ZNF184: variants seen among roughly 807,000 people sequenced by gnomAD.
ZNF184 encodes zinc finger protein 184 (Kruppel-like).
ZNF184 carries 16 observed loss-of-function variants against 54.4 expected under a neutral mutation model. The observed-to-expected ratio is 0.29, with a 90% confidence interval of 0.20 to 0.45. The LOEUF is 0.45. Ranked by LOEUF, ZNF184 falls within the 20% of genes least tolerant of loss-of-function variation. The probability of loss-of-function intolerance (pLI) is 1.00; values close to 1 mark genes in which losing one functional copy is unlikely to be tolerated. For missense variants in ZNF184, 681 were observed against 888.2 expected, an observed-to-expected ratio of 0.77 and a Z score of 2.97; for synonymous variants, 254 against 295.3, an observed-to-expected ratio of 0.86 and a Z score of 1.43.
intron 5 of ZNF184, among the ~76,000 whole-genome samples, chr6:27,455,788 C>T (rs1254918346): frequency 2.6e-5 from 4 of 152,092 alleles, no homozygotes; most frequent in East Asian, 1.9e-4. Flanking sequence ...ATTTTTCCCC[C>T]GTAAAGAAGA....
rs1403806064 is a variant in ZNF184, at chr6:27,451,426, T to C, written c.2133A>G (p.Thr711=). The change falls in exon 6 of 6, where the codon ACA becomes ACG. Residue 711 remains threonine, a synonymous_variant. Coordinates refer to ENST00000683788, the MANE Select transcript of ZNF184 (RefSeq NM_001318891.2). ...NECRKTFSQS[T]YLIQHQRIHS... is the part of the protein sequence containing the mutation. ...GAATTCTCTGGTGCTGAATGAGATA[T>C]GTGCTCTGGCTAAAAGTCTTTCTGC... The C allele has an allele frequency of 6.2e-7, 1 of 1,614,174 alleles. No homozygotes were observed. Among genetic ancestry groups the C allele is most frequent in the Non-Finnish European group, 8.5e-7 (1 of 1,180,004 alleles).
the ZNF184 span, among the ~76,000 whole-genome samples, chr6:27,441,616 A>G: frequency 6.6e-6 from 1 of 152,194 alleles, no homozygotes; most frequent in Non-Finnish European, 1.5e-5. Flanking sequence ...AAGAATAGGT[A>G]TGGTGACACA....
the ZNF184 span, among the ~76,000 whole-genome samples, chr6:27,423,260 GGC>G: frequency 6.6e-6 from 1 of 152,060 alleles, no homozygotes; most frequent in Non-Finnish European, 1.5e-5. Context: ...AGAATCTAAA[GGC>G]TAGCTGGGTG....
chr6:27,469,619 C>T (rs1006022262), intron 2 of ZNF184, among the ~76,000 whole-genome samples: 12 of 149,668 alleles, frequency 8.0e-5, no homozygotes, highest in Admixed American at 5.4e-4. Flanking sequence ...CCAGCCTGGG[C>T]GACAGAGCAA....
At chr6:27,439,886 T>C in the ZNF184 span, among the ~76,000 whole-genome samples, 8 of 152,200 alleles carry the variant, frequency 5.3e-5, no homozygotes, top group African/African-American at 1.9e-4. Context: ...ACAACTGTAA[T>C]ACTAATCTTG....
Position 27,453,966 on chromosome 6 carries a change from G to A in ZNF184, c.299-706C>T, listed in dbSNP as rs577940750. ...TAGCTAAAGCCTTAGAAATATATGT[G>A]AAAAAGAGCAGAGGCAGAGGGAAGA... On this transcript the variant is annotated intron_variant, in intron 5 of 5. Transcript: ENST00000683788. This position sits in a 1 kb window ranked among gnomAD's most constrained non-coding sequence, Gnocchi z 4.7. Among the ~76,000 whole-genome samples the A allele has an allele frequency of 6.6e-6, 1 of 152,260 alleles. No individual in the cohort carries two copies. Among genetic ancestry groups the A allele is most frequent in the East Asian group, 1.9e-4 (1 of 5,190 alleles).
chr6:27,419,777 C>G, the ZNF184 span, among the ~76,000 whole-genome samples: 1 of 152,184 alleles, frequency 6.6e-6, no homozygotes, highest in African/African-American at 2.4e-5. This position sits in a 1 kb window ranked among gnomAD's most constrained non-coding sequence, Gnocchi z 4.8. Context: ...CTACCTCTGT[C>G]TGGGCCACTG....
chr6:27,459,514 A>C lies in ZNF184; in HGVS notation c.76-2105T>G, dbSNP rs182948765. Among the ~76,000 whole-genome samples, 508 of 152,338 alleles carry C rather than the reference A, an allele frequency of 3.3e-3. 10 individuals are homozygous for C. The South Asian group carries it at 0.039, about 12-fold the overall frequency. On this transcript the variant is annotated intron_variant, in intron 3 of 5. Transcript: ENST00000683788. Reference sequence around the variant, plus strand: ...CCCTCCCCTAAAAATATAGTTAAACAGTAAAATATCAGACTGGGTAACACT... The same window carrying C: ...CCCTCCCCTAAAAATATAGTTAAACCGTAAAATATCAGACTGGGTAACACT...
At chr6:27,423,793 A>G in the ZNF184 span, among the ~76,000 whole-genome samples, 15 of 152,332 alleles carry the variant, frequency 9.8e-5, no homozygotes, top group African/African-American at 2.6e-4. Context: ...TTTATACTTA[A>G]CAAAATGTTC....
rs7509 is a variant in ZNF184 at position 27,451,068 on chromosome 6, T to G, written c.*235A>C. On this transcript the variant is annotated 3_prime_UTR_variant, in exon 6 of 6. Transcript: ENST00000683788. ...TACCTTTGAAATAATCTACTCCAAATCCTTCATTCCATAAAGGAAACTAAA... is the reference window on the plus strand; with the variant it reads ...TACCTTTGAAATAATCTACTCCAAAGCCTTCATTCCATAAAGGAAACTAAA... 0.56 allele frequency: 236,132 copies of G among 419,540 alleles called. 67,778 individuals are homozygous for G. Among genetic ancestry groups the G allele is most frequent in the Middle Eastern group, 0.75 (1,209 of 1,610 alleles). 26.0% of individuals were successfully genotyped at this position (419,540 alleles called of 1,614,324 possible).
At chr6:27,447,726 A>C (rs1186951047), downstream of ZNF184, among the ~76,000 whole-genome samples, 1 of 152,148 alleles carries the variant, frequency 6.6e-6, no homozygotes, top group Non-Finnish European at 1.5e-5. Context: ...AAAAACAAAC[A>C]AAAAAACAAA....
At chr6:27,424,837 C>T in the ZNF184 span, among the ~76,000 whole-genome samples, 3 of 152,240 alleles carry the variant, frequency 2.0e-5, no homozygotes, top group Non-Finnish European at 4.4e-5. Flanking sequence ...CACTCCTCAG[C>T]CCTTGGGTCG....
At chr6:27,432,105 A>AC in the ZNF184 span, among the ~76,000 whole-genome samples, 1 of 151,986 alleles carries the variant, frequency 6.6e-6, no homozygotes, top group African/African-American at 2.4e-5. The surrounding 1 kb of genome is among the most constrained non-coding windows in gnomAD (Gnocchi z 4.0). Flanking sequence ...TCCCACCCCC[A>AC]CCTTGCTAGG....
intron 3 of ZNF184, among the ~76,000 whole-genome samples, chr6:27,461,430 G>T (rs1762993353): frequency 6.6e-6 from 1 of 152,068 alleles, no homozygotes; most frequent in African/African-American, 2.4e-5. Flanking sequence ...ACTAAAGCGT[G>T]GTCATGGGTC....
the ZNF184 span, among the ~76,000 whole-genome samples, chr6:27,409,422 C>A: frequency 6.9e-6 from 1 of 145,444 alleles, no homozygotes; most frequent in African/African-American, 2.5e-5. Context: ...TGGCATGAAC[C>A]TGGGAGGTGG....
chr6:27,437,645 T>G, the ZNF184 span, among the ~76,000 whole-genome samples: 4 of 152,228 alleles, frequency 2.6e-5, no homozygotes, highest in Non-Finnish European at 5.9e-5. Context: ...TGTAGGAATT[T>G]GTTATGCAGC....
the ZNF184 span, among the ~76,000 whole-genome samples, chr6:27,430,912 A>G: frequency 9.2e-5 from 14 of 152,108 alleles, no homozygotes; most frequent in Non-Finnish European, 1.9e-4. Flanking sequence ...TCTTGCTGGG[A>G]CTCTGCCAAG....
At chr6:27,457,438 C>T in intron 3 of ZNF184, 29 bp from the exon 4 acceptor site, 2 of 1,610,954 alleles carry the variant, frequency 1.2e-6, no homozygotes, top group Middle Eastern at 3.3e-4. Context: ...TTCTGCTTAG[C>T]CATAAGCATT....
At chr6:27,467,078 C>G (rs573966110) in intron 3 of ZNF184, among the ~76,000 whole-genome samples, 2 of 152,164 alleles carry the variant, frequency 1.3e-5, no homozygotes, top group African/African-American at 4.8e-5. Flanking sequence ...ATAATCTTCT[C>G]TATACCTAGA....
Sources: allele counts gnomAD v4.1 joint callset (sites outside exome capture counted in the v4.1 genomes callset), GRCh38; gene constraint gnomAD v4.1.1; non-coding constraint Gnocchi (gnomAD v3.1); transcripts MANE v1.5; gene names NCBI Gene and HGNC (gene_info 2026-07-23, HGNC 2026-07-21).